The following KDELR2 variants were observed in gnomAD, a reference collection of about 807,000 sequenced individuals.
KDELR2 encodes the protein KDEL endoplasmic reticulum protein retention receptor 2, also known as ER lumen protein-retaining receptor 2.
Under a neutral mutation model 23.9 loss-of-function variants are expected in KDELR2, and 15 were observed. The ratio of observed to expected loss-of-function variants is 0.63; its 90% CI spans 0.42 to 0.97. The LOEUF is 0.97. Ranked by LOEUF, KDELR2 falls within the 50% of genes least tolerant of loss-of-function variation. KDELR2 has a pLI of 0.00. For synonymous variants in KDELR2, 119 were observed against 106.2 expected (o/e 1.12, Z -0.74); for missense variants, 272 against 254.6 (o/e 1.07, Z -0.46).
intron 1 of KDELR2, 126 bp downstream of exon 1, chr7:6,483,841 G>C: frequency 1.4e-6 from 1 of 706,472 alleles, no homozygotes; most frequent in South Asian, 6.4e-5. Flanking sequence ...CACCCGTTAG[G>C]CCGGCCGAGG....
chr7:6,471,285 G>T, intron 2 of KDELR2, among the ~76,000 whole-genome samples: 1 of 139,234 alleles, frequency 7.2e-6, no homozygotes, highest in South Asian at 2.5e-4. Flanking sequence ...AGGTTCAAGC[G>T]ATTCTCCTGC....
At position 6,463,174 on chromosome 7, in the gene KDELR2, T is replaced by G; in HGVS notation, c.606A>C (p.Val202=). The G allele has an allele frequency of 6.2e-7, 1 of 1,607,830 alleles. No homozygotes were observed. The highest frequency in any genetic ancestry group is 1.1e-5 in the South Asian group (1 of 89,422). The change falls in exon 5 of 5, where the codon GTA becomes GTC. Residue 202 remains valine (V), a splice_region_variant and synonymous_variant. Transcript: ENST00000258739. ...GCAAACTGAGCTTCTTTCCCTTGAG[T>G]ACTAGAATTTCAAAGAGAAGAAAAG... ...CDFFYLYITK[V]LKGKKLSLPA
intron 4 of KDELR2, among the ~76,000 whole-genome samples, chr7:6,465,434 C>T (rs1021617081): frequency 3.3e-5 from 5 of 151,744 alleles, no homozygotes; most frequent in East Asian, 1.9e-4. Flanking sequence ...CCGCCCGCCT[C>T]GGCCTCCCAA....
At chr7:6,479,418 G>T (rs904588588) in intron 1 of KDELR2, among the ~76,000 whole-genome samples, 4 of 152,270 alleles carry the variant, frequency 2.6e-5, no homozygotes, top group African/African-American at 9.6e-5. Context: ...GCCTCCTAAA[G>T]TGCTGGAATT....
chr7:6,482,529 G>C (rs1785922595), intron 1 of KDELR2: 1 of 469,572 alleles, frequency 2.1e-6, no homozygotes, highest in African/African-American at 2.0e-5. Context: ...ACTGTTCAAA[G>C]GTCTTTTTGG....
chr7:6,474,295 A>G lies in KDELR2; in HGVS notation c.92-11T>C. ...TTTTCCCAGAAATACCTAGAGAAAC[A>G]GAAGGGAAGTATTAGAAGGGCCTGA... On this transcript the variant is annotated splice_polypyrimidine_tract_variant and intron_variant, in intron 1 of 4. Coordinates refer to ENST00000258739, the MANE Select transcript of KDELR2 (RefSeq NM_006854.4). The G allele has an allele frequency of 7.6e-6, 12 of 1,581,108 alleles. No individual in the cohort carries two copies. The highest frequency in any genetic ancestry group is 1.0e-5 in the Non-Finnish European group (12 of 1,149,950).
At chr7:6,476,263 A>C (rs1052311116) in intron 1 of KDELR2, among the ~76,000 whole-genome samples, 1 of 152,002 alleles carries the variant, frequency 6.6e-6, no homozygotes, top group African/African-American at 2.4e-5. Flanking sequence ...CAGATCCATC[A>C]ATAGAAACCA....
intron 1 of KDELR2, among the ~76,000 whole-genome samples, chr7:6,483,243 CATT>C (rs2115337093): frequency 6.6e-6 from 1 of 152,256 alleles, no homozygotes; most frequent in Non-Finnish European, 1.5e-5. Flanking sequence ...TAAGAGAACC[CATT>C]ATTAGATGGA....
chr7:6,473,287 C>A (rs1016497877), intron 2 of KDELR2, among the ~76,000 whole-genome samples: 1 of 151,910 alleles, frequency 6.6e-6, no homozygotes, highest in Non-Finnish European at 1.5e-5. Flanking sequence ...CATCATAAAT[C>A]GCAGTCATTT....
At chr7:6,480,966 A>G (rs1785874961) in intron 1 of KDELR2, among the ~76,000 whole-genome samples, 1 of 152,220 alleles carries the variant, frequency 6.6e-6, no homozygotes, top group Non-Finnish European at 1.5e-5. Flanking sequence ...TGGCAAACAC[A>G]CACACACGAA....
chr7:6,471,020 G>A (rs1041148746), intron 2 of KDELR2, among the ~76,000 whole-genome samples: 1 of 151,456 alleles, frequency 6.6e-6, no homozygotes, highest in Non-Finnish European at 1.5e-5. Flanking sequence ...AGGAGGCTGA[G>A]GCAGGAGAAT....
intron 1 of KDELR2, among the ~76,000 whole-genome samples, chr7:6,479,021 T>A (rs1460084567): frequency 2.0e-5 from 3 of 152,046 alleles, no homozygotes. Context: ...AACTCCTGAC[T>A]CAGGTGATCC....
In KDELR2 at chr7:6,463,352, G is replaced by C. The variant is rs151099788; in HGVS notation, c.605-177C>G. On this transcript the variant is annotated intron_variant, in intron 4 of 4. Coordinates refer to ENST00000258739, the MANE Select transcript of KDELR2 (RefSeq NM_006854.4). Reference sequence around the variant, plus strand: ...GATTGAAAGTGCCACTAAATTCATAGTGGCTTTTTGTTATTATGACTTTCA... The same window carrying C: ...GATTGAAAGTGCCACTAAATTCATACTGGCTTTTTGTTATTATGACTTTCA... Among the ~76,000 whole-genome samples, 383 of 152,246 alleles carry C rather than the reference G, an allele frequency of 2.5e-3. 3 individuals are homozygous for C. Among genetic ancestry groups the C allele is most frequent in the African/African-American group, 8.5e-3 (353 of 41,558 alleles).
At chr7:6,473,889 C>A (rs1328433230) in intron 2 of KDELR2, among the ~76,000 whole-genome samples, 3 of 152,180 alleles carry the variant, frequency 2.0e-5, no homozygotes, top group Non-Finnish European at 4.4e-5. Flanking sequence ...CTCTTACTTA[C>A]AGAGTTATCA....
At chr7:6,483,570 C>T (rs890477576) in intron 1 of KDELR2, among the ~76,000 whole-genome samples, 2 of 152,190 alleles carry the variant, frequency 1.3e-5, no homozygotes, top group Non-Finnish European at 2.9e-5. Flanking sequence ...CCCATTGATT[C>T]GCGGGTTTCC....
intron 1 of KDELR2, among the ~76,000 whole-genome samples, chr7:6,476,671 A>G (rs1041852889): frequency 6.6e-6 from 1 of 152,136 alleles, no homozygotes; most frequent in Non-Finnish European, 1.5e-5. Context: ...TATTGTCTTT[A>G]CCAGCCCCCG....
At chr7:6,470,234 C>G (rs1469832882) in intron 2 of KDELR2, 1 of 152,348 alleles carries the variant, frequency 6.6e-6, no homozygotes, top group African/African-American at 2.4e-5. Flanking sequence ...AGAAAAGAAA[C>G]TGGTTCCCGG....
intron 1 of KDELR2, among the ~76,000 whole-genome samples, chr7:6,475,878 C>T (rs1007035141): frequency 1.3e-5 from 2 of 152,234 alleles, no homozygotes; most frequent in Non-Finnish European, 2.9e-5. Flanking sequence ...CCAAATCATT[C>T]ACAACACTCC....
rs1258006044 is a variant in KDELR2, at chr7:6,463,101, A to G, written c.*40T>C. The G allele has an allele frequency of 6.2e-7, 1 of 1,614,036 alleles. No individual in the cohort carries two copies. The highest frequency in any genetic ancestry group is 1.3e-5 in the African/African-American group (1 of 74,936). ...TTTGCTGTGGTAAGAATTCTGTCCG[A>G]GCACCCTGAAGGACAGATGCTGGTG... is the stretch of plus-strand genomic sequence containing the variant. On this transcript the variant is annotated 3_prime_UTR_variant, in exon 5 of 5. Coordinates refer to ENST00000258739, the MANE Select transcript of KDELR2 (RefSeq NM_006854.4).
Sources: allele counts gnomAD v4.1 joint callset (sites outside exome capture counted in the v4.1 genomes callset), GRCh38; gene constraint gnomAD v4.1.1; transcripts MANE v1.5; gene names NCBI Gene and HGNC (gene_info 2026-07-23, HGNC 2026-07-21).